SYCE2: variants seen among roughly 807,000 people sequenced by gnomAD.
The protein encoded by SYCE2 is central element synaptonemal complex 1.
SYCE2 carries 3 observed loss-of-function variants against 27.9 expected under a neutral mutation model. The ratio of observed to expected loss-of-function variants is 0.11; its 90% confidence interval spans 0.05 to 0.28. SYCE2 has a LOEUF of 0.28. Among genes scored for constraint, SYCE2 ranks in the 10% least tolerant of loss-of-function variants. The pLI is 1.00. For synonymous variants in SYCE2, 85 were observed against 100.7 expected (o/e 0.84, Z 0.93); for missense variants, 207 against 263.5 (o/e 0.79, Z 1.48).
intron 3 of SYCE2, among the ~76,000 whole-genome samples, chr19:12,902,930 T>C (rs1016104960): frequency 5.4e-5 from 8 of 149,528 alleles, no homozygotes; most frequent in East Asian, 2.0e-4. Context: ...GCTGGAATTA[T>C]AGGCACGTGC....
At position 12,918,325 on chromosome 19, in the gene SYCE2, G is replaced by A. The variant is rs1288207234; in HGVS notation, c.28C>T (p.His10Tyr). MERQGVDVP[H>Y]VKCKDQEPQP... ...GGTTCCTGGTCTTTGCATTTCACAT[G>A]GGGCACGTCCACCTGCAAGCACAGT... Residue 10 changes from histidine to tyrosine, a missense_variant, in exon 2 of 6, where the codon CAT becomes TAT. Physicochemically the swap from His to Tyr is moderately conservative, Grantham distance 83. Transcript: ENST00000293695. The A allele has an allele frequency of 6.2e-7, 1 of 1,614,126 alleles. No individual in the cohort carries two copies. Among genetic ancestry groups the A allele is most frequent in the South Asian group, 1.1e-5 (1 of 91,086 alleles).
chr19:12,917,329 C>T (rs926714547), intron 2 of SYCE2, among the ~76,000 whole-genome samples: 1 of 152,208 alleles, frequency 6.6e-6, no homozygotes, highest in Non-Finnish European at 1.5e-5. Context: ...GCTGGGATTA[C>T]AGGCGTAAGC....
In SYCE2 at chr19:12,908,276, C is replaced by CT. The variant is rs34286819; in HGVS notation, c.132-3611dup. 7.6e-3 allele frequency among the ~76,000 whole-genome samples: 650 copies of CT among 85,522 alleles called. 3 individuals carry two copies. Among genetic ancestry groups the CT allele is most frequent in the South Asian group, 0.016 (34 of 2,174 alleles). The allele number at this position is 85,522 out of a possible 152,430, so 56.1% of individuals were successfully genotyped here. A position where few individuals can be genotyped will look rare whatever the true frequency, so the allele number is the denominator to read the frequency against. On this transcript the variant is annotated intron_variant, in intron 2 of 5. Coordinates refer to ENST00000293695, the MANE Select transcript of SYCE2 (RefSeq NM_001105578.2). ...GAAGGAGCTGCTTAAATTTTCTGGG[C>CT]TTTTTTTTTTTTTTTTTTTTTAAGA... is the stretch of plus-strand genomic sequence containing the variant.
intron 2 of SYCE2, among the ~76,000 whole-genome samples, chr19:12,913,436 A>T (rs741702): frequency 2.0e-5 from 3 of 151,874 alleles, no homozygotes; most frequent in African/African-American, 7.3e-5. Context: ...ATGACCACCG[A>T]GGGTGGCAGT....
Position 12,918,175 on chromosome 19 carries a change from G to A in SYCE2, c.131+47C>T, listed in dbSNP as rs768939630. 6.7e-6 allele frequency: 10 copies of A among 1,501,536 alleles called. No homozygotes were observed. In the East Asian group the frequency reaches 2.0e-4, roughly 30 times the overall value. 93.0% of individuals were successfully genotyped at this position (1,501,536 alleles called of 1,614,324 possible). A position where few individuals can be genotyped will look rare whatever the true frequency, so the allele number is the denominator to read the frequency against. On this transcript the variant is annotated intron_variant, in intron 2 of 5. Transcript: ENST00000293695. ...TTGTGGAAGAAAAGGGTGAATGAGA[G>A]GGACCCAGGGGCCTGTGTAGACCCA...
chr19:12,903,800 G>C (rs1370077639), intron 3 of SYCE2, among the ~76,000 whole-genome samples: 2 of 152,082 alleles, frequency 1.3e-5, no homozygotes, highest in Non-Finnish European at 2.9e-5. Flanking sequence ...GTTTCACCAT[G>C]TTGGCCAGGC....
intron 3 of SYCE2, among the ~76,000 whole-genome samples, chr19:12,903,731 T>C (rs1433881084): frequency 6.6e-6 from 1 of 151,872 alleles, no homozygotes; most frequent in African/African-American, 2.4e-5. Flanking sequence ...TAGCCCAGGC[T>C]GCAGTGCCGT....
rs1359119220 is a variant in SYCE2, at chr19:12,916,784, TTTC to T, written c.131+1435_131+1437del. Among the ~76,000 whole-genome samples, 1,271 of 152,082 alleles carry T rather than the reference TTTC, an allele frequency of 8.4e-3. 20 individuals are homozygous for T. Among genetic ancestry groups the T allele is most frequent in the African/African-American group, 0.029 (1,200 of 41,480 alleles). ...CCACGCTCATTTCTTTCTTTCTTTC[TTTC>T]TTTTTTTTCAGAGAGATATGTCTCC... On this transcript the variant is annotated intron_variant, in intron 2 of 5. Transcript: ENST00000293695.
intron 2 of SYCE2, among the ~76,000 whole-genome samples, chr19:12,904,991 G>A (rs953369895): frequency 4.7e-5 from 7 of 150,132 alleles, no homozygotes; most frequent in African/African-American, 1.2e-4. Context: ...GTGACAGAGC[G>A]AGACTCCGTC....
chr19:12,911,636 T>TA (rs1555754623), intron 2 of SYCE2, among the ~76,000 whole-genome samples: 2 of 148,710 alleles, frequency 1.3e-5, no homozygotes, highest in Non-Finnish European at 3.0e-5. Context: ...TTTTTTTTTT[T>TA]AGACGAGGTC....
chr19:12,899,060 G>A lies in SYCE2; in HGVS notation c.*281C>T. 2.1e-6 allele frequency: 1 copy of A among 487,744 alleles called. No individual in the cohort carries two copies. Among genetic ancestry groups the A allele is most frequent in the Non-Finnish European group, 3.7e-6 (1 of 267,380 alleles). The allele number at this position is 487,744 out of a possible 1,614,324, so 30.2% of individuals were successfully genotyped here. A position where few individuals can be genotyped will look rare whatever the true frequency, so the allele number is the denominator to read the frequency against. On this transcript the variant is annotated 3_prime_UTR_variant, in exon 6 of 6. Transcript: ENST00000293695. Reference sequence around the variant, plus strand: ...GCTCAGGGGTGCTTTCAGCCTCTGTGGCAAGGAAGCGTGGCCAGGTTGAAA... The same window carrying A: ...GCTCAGGGGTGCTTTCAGCCTCTGTAGCAAGGAAGCGTGGCCAGGTTGAAA...
rs547134610 is a variant in SYCE2 at position 12,918,766 on chromosome 19, A to G, written c.16-429T>C. ...CAGGAGTGCGAGAACAGCCTGAGCAATATGGTGAAACCCCGTCTCTACTAA... is the reference window on the plus strand; with the variant it reads ...CAGGAGTGCGAGAACAGCCTGAGCAGTATGGTGAAACCCCGTCTCTACTAA... On this transcript the variant is annotated intron_variant, in intron 1 of 5. Transcript: ENST00000293695. Among the ~76,000 whole-genome samples the G allele has an allele frequency of 3.9e-5, 6 of 152,082 alleles. No homozygotes were observed. The South Asian group carries it at 1.2e-3, about 32-fold the overall frequency.
At chr19:12,906,927 A>G (rs1257032485) in intron 2 of SYCE2, among the ~76,000 whole-genome samples, 2 of 152,170 alleles carry the variant, frequency 1.3e-5, no homozygotes, top group Non-Finnish European at 2.9e-5. Context: ...ATTAAAATAA[A>G]TTAAAACAAC....
At position 12,899,111 on chromosome 19, in the gene SYCE2, CTGGGGG is replaced by C; in HGVS notation, c.*224_*229del. 1 of 577,202 alleles carries C rather than the reference CTGGGGG, an allele frequency of 1.7e-6. No individual in the cohort carries two copies. The highest frequency in any genetic ancestry group is 2.1e-5 in the South Asian group (1 of 48,346). 35.8% of individuals were successfully genotyped at this position (577,202 alleles called of 1,614,324 possible). On this transcript the variant is annotated 3_prime_UTR_variant, in exon 6 of 6. Coordinates refer to ENST00000293695, the MANE Select transcript of SYCE2 (RefSeq NM_001105578.2). ...ATCAAACATTTAATAAACTGTGGGG[CTGGGGG>C]TGGGGAGAACTTGCCAAGGGTGGGG...
At chr19:12,908,686 C>A (rs114205458) in intron 2 of SYCE2, among the ~76,000 whole-genome samples, 1 of 152,074 alleles carries the variant, frequency 6.6e-6, no homozygotes, top group Admixed American at 6.6e-5. Context: ...GTTCCTCCCC[C>A]GGTTCTCAAA....
chr19:12,913,542 A>G (rs1181030078), intron 2 of SYCE2, among the ~76,000 whole-genome samples: 3 of 152,318 alleles, frequency 2.0e-5, no homozygotes, highest in East Asian at 3.9e-4. Flanking sequence ...AAGTACAGCC[A>G]GGAAGGGGGA....
intron 3 of SYCE2, among the ~76,000 whole-genome samples, 184 bp downstream of exon 3, chr19:12,904,308 G>T (rs1338772088): frequency 1.3e-5 from 2 of 152,100 alleles, no homozygotes; most frequent in African/African-American, 4.8e-5. Flanking sequence ...CTACATTTTT[G>T]ACTTACAGCA....
chr19:12,918,629 G>A (rs1971182712), intron 1 of SYCE2, among the ~76,000 whole-genome samples: 1 of 152,162 alleles, frequency 6.6e-6, no homozygotes, highest in African/African-American at 2.4e-5. Context: ...TGTGTTGGCT[G>A]GAGTCCTTCG....
rs745373181 is a variant in SYCE2, at chr19:12,899,170, G to A, written c.*171C>T. On this transcript the variant is annotated 3_prime_UTR_variant, in exon 6 of 6. Transcript: ENST00000293695. ...CACGAAGCCTGGGCCTATGGCAGGG[G>A]CTGGACTTGCTACATTTTGGGAGTT... 1.7e-5 allele frequency: 11 copies of A among 639,862 alleles called. No individual in the cohort carries two copies. The highest frequency in any genetic ancestry group is 2.8e-5 in the Non-Finnish European group (10 of 363,624). The allele number at this position is 639,862 out of a possible 1,614,324, so 39.6% of individuals were successfully genotyped here.
Sources: allele counts gnomAD v4.1 joint callset (sites outside exome capture counted in the v4.1 genomes callset), GRCh38; gene constraint gnomAD v4.1.1; transcripts MANE v1.5; gene names NCBI Gene and HGNC (gene_info 2026-07-23, HGNC 2026-07-21).